Variants in PLEKHH1 observed in about 807,000 individuals in gnomAD.
PLEKHH1 encodes pleckstrin homology domain-containing family H member 1.
PLEKHH1 carries 104 observed loss-of-function variants against 160.0 expected under a neutral mutation model. The ratio of observed to expected loss-of-function variants is 0.65; its 90% confidence interval spans 0.55 to 0.76. The LOEUF (loss-of-function observed/expected upper bound fraction) is 0.76. Among genes scored for constraint, PLEKHH1 ranks in the 30% least tolerant of loss-of-function variants. The pLI, the probability that PLEKHH1 is intolerant of heterozygous loss-of-function variation, is 0.00. For missense variants in PLEKHH1, 1,427 were observed against 1,724.1 expected (o/e 0.83, Z 3.05); for synonymous variants, 619 against 678.4 (o/e 0.91, Z 1.36).
chr14:67,567,610 C>T (rs1053177561), intron 7 of PLEKHH1, among the ~76,000 whole-genome samples: 1 of 152,114 alleles, frequency 6.6e-6, no homozygotes, highest in African/African-American at 2.4e-5. Context: ...GCCCCTCTGT[C>T]TCCTGCCGCC....
At chr14:67,539,435 G>A (rs1330649209) in intron 1 of PLEKHH1, among the ~76,000 whole-genome samples, 2 of 152,114 alleles carry the variant, frequency 1.3e-5, no homozygotes, top group Admixed American at 6.6e-5. Flanking sequence ...GAGCTTACTC[G>A]GTCCATCAGT....
rs537807073 is a variant in PLEKHH1 at position 67,539,962 on chromosome 14, G to C, written c.-34-1872G>C. On this transcript the variant is annotated intron_variant, in intron 1 of 28. Coordinates refer to ENST00000329153, the MANE Select transcript of PLEKHH1 (RefSeq NM_020715.3). ...AAAAATACGAATAAAAGTCACATGC[G>C]AGGGGAGAAGCACGATTGGTGATTA... is the stretch of plus-strand genomic sequence containing the variant. 5.9e-5 allele frequency among the ~76,000 whole-genome samples: 9 copies of C among 152,302 alleles called. No individual in the cohort carries two copies. The East Asian group carries it at 1.2e-3, about 20-fold the overall frequency.
In PLEKHH1 at chr14:67,557,412, G is replaced by A. The variant is rs771787192; in HGVS notation, c.333G>A (p.Glu111=). 10 of 1,612,986 alleles carry A rather than the reference G, an allele frequency of 6.2e-6. No individual in the cohort carries two copies. Among genetic ancestry groups the A allele is most frequent in the Middle Eastern group, 3.5e-4 (2 of 5,740 alleles). The change falls in exon 4 of 29, where the codon GAG becomes GAA. Residue 111 remains glutamate, a synonymous_variant. Transcript: ENST00000329153. ...ELISQLEAQL[E]KQKQMRAEEA... ...TCAGCCAGCTAGAGGCTCAGCTGGA[G>A]AAGCAGGTAAGGGCTCATGCGCAAG...
intron 2 of PLEKHH1, among the ~76,000 whole-genome samples, chr14:67,554,988 C>T (rs928359737): frequency 6.6e-6 from 1 of 152,208 alleles, no homozygotes; most frequent in Non-Finnish European, 1.5e-5. Context: ...TCTCAGCTCA[C>T]TACAGCTTCA....
At chr14:67,543,781 C>CA (rs5809354) in intron 2 of PLEKHH1, among the ~76,000 whole-genome samples, 47 of 148,978 alleles carry the variant, frequency 3.2e-4, no homozygotes, top group African/African-American at 4.2e-4. Flanking sequence ...AACAAAATAA[C>CA]AAAAAAAAAA....
chr14:67,573,458 C>A lies in PLEKHH1; in HGVS notation c.1839+72C>A, dbSNP rs573910562. The A allele has an allele frequency of 2.9e-6, 3 of 1,022,016 alleles. No homozygotes were observed. The highest frequency in any genetic ancestry group is 2.4e-5 in the East Asian group (1 of 41,116). The allele number at this position is 1,022,016 out of a possible 1,614,324, so 63.3% of individuals were successfully genotyped here. A position where few individuals can be genotyped will look rare whatever the true frequency, so the allele number is the denominator to read the frequency against. ...ACACCCTGGACTATGTCAGATGGGA[C>A]GGAGGAGGGGGAATGTGGCCCAAGG... On this transcript the variant is annotated intron_variant, in intron 12 of 28. Coordinates refer to ENST00000329153, the MANE Select transcript of PLEKHH1 (RefSeq NM_020715.3). The surrounding 1 kb of genome is among the most constrained non-coding windows in gnomAD (Gnocchi z 4.8).
intron 18 of PLEKHH1, 124 bp from the exon 19 acceptor site, chr14:67,577,899 C>T: frequency 1.3e-6 from 1 of 783,788 alleles, no homozygotes; most frequent in Non-Finnish European, 2.0e-6. Context: ...AGCAGTGCTC[C>T]CTCTTAGAAA....
At chr14:67,551,309 C>A (rs1221574067) in intron 2 of PLEKHH1, among the ~76,000 whole-genome samples, 1 of 152,202 alleles carries the variant, frequency 6.6e-6, no homozygotes, top group East Asian at 1.9e-4. Context: ...CCAAACTGGT[C>A]TCCCTGCTCC....
intron 5 of PLEKHH1, 43 bp downstream of exon 5, chr14:67,559,734 TG>T (rs1423369949): frequency 1.5e-6 from 2 of 1,364,334 alleles, no homozygotes; most frequent in Non-Finnish European, 2.1e-6. Context: ...GAGGCATGGC[TG>T]GGCCTGCCCT....
At position 67,572,135 on chromosome 14, in the gene PLEKHH1, G is replaced by T. The variant is rs2035412371; in HGVS notation, c.1586G>T (p.Gly529Val). The T allele has an allele frequency of 6.2e-7, 1 of 1,605,314 alleles. No homozygotes were observed. Among genetic ancestry groups the T allele is most frequent in the Non-Finnish European group, 8.5e-7 (1 of 1,176,354 alleles). Residue 529 changes from glycine (G) to valine (V), a missense_variant and splice_region_variant, in exon 11 of 29, where the codon GGC (glycine) becomes GTC (valine). By Grantham distance (109) the Gly-to-Val change is moderately radical. Transcript: ENST00000329153. The part of the protein sequence containing the change: ...GLGSPRAIKR[G>V]VSMSSLSSEG... ...CCTTGACTCCTCCTCCCTCGGCAAG[G>T]CGTCTCCATGTCCTCACTGAGCTCC...
At chr14:67,568,891 G>A (rs77642566) in intron 7 of PLEKHH1, 9,350 of 470,728 alleles carry the variant, frequency 0.02, 148 homozygotes, top group East Asian at 0.047. Context: ...TATTCCAGGT[G>A]TTAAATGCTT....
intron 28 of PLEKHH1, chr14:67,586,822 C>T (rs948906157): frequency 2.7e-6 from 4 of 1,463,840 alleles, no homozygotes; most frequent in Non-Finnish European, 3.6e-6. Context: ...CTAACCAGAG[C>T]AGAACACTGG....
At chr14:67,549,691 T>C (rs1256531765) in intron 2 of PLEKHH1, among the ~76,000 whole-genome samples, 1 of 152,124 alleles carries the variant, frequency 6.6e-6, no homozygotes, top group Non-Finnish European at 1.5e-5. Context: ...TGAGAAGGGG[T>C]GCTGATGGGG....
chr14:67,574,273 C>T lies in PLEKHH1; in HGVS notation c.1958C>T (p.Thr653Met), dbSNP rs574404632. The stretch of plus-strand genomic sequence containing the variant: ...TCTGAGAAGAAAACCTACTACCTGA[C>T]GGCCGATTCACCCAGCCTGCTGGAG... ...LISEKKTYYLTADSPSLLEEW... is the reference protein window; with the variant it reads ...LISEKKTYYLMADSPSLLEEW... Residue 653 changes from threonine to methionine, a missense_variant, in exon 14 of 29, where the codon ACG becomes ATG. By Grantham distance (81) the Thr-to-Met change is moderately conservative (BLOSUM62 -1). This residue lies in a region of PLEKHH1 where 831 missense variants were observed against 929.2 expected (regional missense o/e 0.89). Coordinates refer to ENST00000329153, the MANE Select transcript of PLEKHH1 (RefSeq NM_020715.3). This position sits in a 1 kb window ranked among gnomAD's most constrained non-coding sequence, Gnocchi z 4.2. 86 of 1,608,320 alleles carry T rather than the reference C, an allele frequency of 5.3e-5. No homozygotes were observed. The African/African-American group carries it at 6.8e-4, about 13-fold the overall frequency.
chr14:67,559,593 C>T lies in PLEKHH1; in HGVS notation c.340-15C>T, dbSNP rs924657624. On this transcript the variant is annotated splice_polypyrimidine_tract_variant and intron_variant, in intron 4 of 28. Transcript: ENST00000329153. ...TGATTGTTGGGATTAACGGAAGGCC[C>T]TCTCTTTCTTGCAGAAGCAGATGAG... 9.6e-6 allele frequency: 15 copies of T among 1,561,732 alleles called. No homozygotes were observed. The highest frequency in any genetic ancestry group is 2.3e-5 in the East Asian group (1 of 43,056).
intron 3 of PLEKHH1, among the ~76,000 whole-genome samples, chr14:67,556,860 C>G (rs913961500): frequency 6.6e-6 from 1 of 152,170 alleles, no homozygotes; most frequent in African/African-American, 2.4e-5. Flanking sequence ...AAATATGGGT[C>G]AGCACATGGC....
In PLEKHH1 at chr14:67,588,539, C is replaced by A. The variant is rs2036263787; in HGVS notation, c.*1304C>A. On this transcript the variant is annotated 3_prime_UTR_variant, in exon 29 of 29. Transcript: ENST00000329153. Reference sequence around the variant, plus strand: ...TTACTGATAATACCATAATCCCCCTCAATTCAGACCTTCTGATTGAGTGCA... The same window carrying A: ...TTACTGATAATACCATAATCCCCCTAAATTCAGACCTTCTGATTGAGTGCA... 6.6e-6 allele frequency: 1 copy of A among 152,088 alleles called. No homozygotes were observed. Among genetic ancestry groups the A allele is most frequent in the Admixed American group, 6.6e-5 (1 of 15,262 alleles). The allele number at this position is 152,088 out of a possible 1,614,324, so 9.4% of individuals were successfully genotyped here.
At chr14:67,536,605 G>T (rs2033728726) in intron 1 of PLEKHH1, among the ~76,000 whole-genome samples, 1 of 151,674 alleles carries the variant, frequency 6.6e-6, no homozygotes, top group African/African-American at 2.4e-5. Context: ...TTTCTTTTAG[G>T]GTCCTGTATT....
rs376966227 is a variant in PLEKHH1 at position 67,582,128 on chromosome 14, C to G, written c.3344C>G (p.Ser1115Cys). 8 of 1,613,600 alleles carry G rather than the reference C, an allele frequency of 5.0e-6. No homozygotes were observed. In the African/African-American group the frequency reaches 8.0e-5, roughly 16 times the overall value. ...GACCGAGAACGGCTGCTCCTTGCCT[C>G]TCAAACCAGTAGAGAGATAGTGGCA... The part of the protein sequence containing the change: ...ETDRERLLLA[S>C]QTSREIVAGR... Residue 1115 changes from serine (S) to cysteine (C), a missense_variant, in exon 24 of 29, where the codon TCT becomes TGT. Physicochemically the swap from Ser to Cys is moderately radical, Grantham distance 112. Around this residue, in one of 6 missense-constraint regions of PLEKHH1, gnomAD observed 436 missense variants for 607.5 expected, o/e 0.72. Transcript: ENST00000329153. This position sits in a 1 kb window ranked among gnomAD's most constrained non-coding sequence, Gnocchi z 5.0.
Sources: allele counts gnomAD v4.1 joint callset (sites outside exome capture counted in the v4.1 genomes callset), GRCh38; gene constraint gnomAD v4.1.1; regional missense constraint gnomAD v4.1.1; non-coding constraint Gnocchi (gnomAD v3.1); transcripts MANE v1.5; gene names NCBI Gene and HGNC (gene_info 2026-07-23, HGNC 2026-07-21).